Variants in TFEC observed in about 807,000 individuals in gnomAD.
TFEC encodes transcription factor EC.
TFEC carries 31 observed loss-of-function variants against 41.6 expected under a neutral mutation model. The ratio of observed to expected loss-of-function variants is 0.74; its 90% CI spans 0.56 to 1.01. TFEC has a LOEUF of 1.01. TFEC is among the 50% of genes least tolerant of loss of function. TFEC has a pLI of 0.00. For missense variants in TFEC, 402 were observed against 404.1 expected (o/e 0.99, Z 0.04); for synonymous variants, 143 against 140.6 (o/e 1.02, Z -0.12).
At chr7:116,005,296 T>C (rs982701272) in intron 1 of TFEC, among the ~76,000 whole-genome samples, 11 of 152,278 alleles carry the variant, frequency 7.2e-5, no homozygotes, top group South Asian at 2.1e-4. Flanking sequence ...CAGGAAAATG[T>C]GGGAAAGTTT....
chr7:116,084,188 A>G (rs1413785154), intron 3 of TFEC, among the ~76,000 whole-genome samples: 2 of 151,840 alleles, frequency 1.3e-5, no homozygotes, highest in African/African-American at 4.8e-5. Context: ...AATTAACCCA[A>G]TTCTTGGCAT....
intron 1 of TFEC, among the ~76,000 whole-genome samples, chr7:116,155,622 G>C (rs1322659213): frequency 2.0e-5 from 3 of 152,170 alleles, no homozygotes; most frequent in Non-Finnish European, 2.9e-5. Context: ...ATGTCCAGCT[G>C]TGAATGCTCT....
chr7:115,985,073 G>C (rs2130679235), intron 1 of TFEC, among the ~76,000 whole-genome samples: 1 of 149,984 alleles, frequency 6.7e-6, no homozygotes, highest in Middle Eastern at 3.4e-3. Flanking sequence ...TTTCTATCCT[G>C]AGCCCAGTTT....
intron 3 of TFEC, among the ~76,000 whole-genome samples, chr7:116,039,837 A>T (rs1470244224): frequency 6.6e-6 from 1 of 152,098 alleles, no homozygotes; most frequent in East Asian, 1.9e-4. Flanking sequence ...AAGTCCTTCA[A>T]TACAAAAGAA....
intron 1 of TFEC, among the ~76,000 whole-genome samples, chr7:116,130,503 G>A (rs1380535628): frequency 1.3e-5 from 2 of 152,234 alleles, no homozygotes. Context: ...CAAGTGGTCA[G>A]AATCTCGAGT....
intron 3 of TFEC, among the ~76,000 whole-genome samples, chr7:115,970,820 T>C (rs986638351): frequency 1.3e-5 from 2 of 151,900 alleles, no homozygotes; most frequent in African/African-American, 4.8e-5. Flanking sequence ...CTGCCATGAC[T>C]AAAAGCTTCC....
At chr7:116,074,396 T>A (rs1050122343) in intron 3 of TFEC, among the ~76,000 whole-genome samples, 1 of 152,022 alleles carries the variant, frequency 6.6e-6, no homozygotes, top group African/African-American at 2.4e-5. Context: ...TATGAAGAAC[T>A]CTTACAACTT....
chr7:115,988,944 G>A (rs1461914144), intron 1 of TFEC, among the ~76,000 whole-genome samples: 1 of 152,110 alleles, frequency 6.6e-6, no homozygotes. Flanking sequence ...AAGAAGAGAG[G>A]AATTAAATAC....
chr7:116,004,640 A>AT (rs1562927786), intron 1 of TFEC, among the ~76,000 whole-genome samples: 1 of 152,240 alleles, frequency 6.6e-6, no homozygotes, highest in African/African-American at 2.4e-5. Flanking sequence ...ATATTAAAAT[A>AT]ATGCTTAGAT....
chr7:116,054,329 T>C (rs538465473), intron 3 of TFEC, among the ~76,000 whole-genome samples: 2 of 152,118 alleles, frequency 1.3e-5, no homozygotes, highest in African/African-American at 4.8e-5. Flanking sequence ...TTAAAGATTA[T>C]AAAGGAAGTG....
intron 1 of TFEC, among the ~76,000 whole-genome samples, chr7:116,008,652 G>C (rs964784070): frequency 1.3e-5 from 2 of 152,174 alleles, no homozygotes; most frequent in Admixed American, 1.3e-4. Context: ...CTGCAGTAAA[G>C]ATTAATAACT....
At chr7:116,033,943 G>C (rs1209611421), upstream of TFEC, among the ~76,000 whole-genome samples, 1 of 152,012 alleles carries the variant, frequency 6.6e-6, no homozygotes, top group African/African-American at 2.4e-5. Flanking sequence ...TTCCAGTAAG[G>C]CTTTGTGCTC....
At chr7:116,123,061 T>C (rs955508695) in intron 1 of TFEC, among the ~76,000 whole-genome samples, 6 of 152,238 alleles carry the variant, frequency 3.9e-5, no homozygotes, top group African/African-American at 9.6e-5. Context: ...AAAACATTAA[T>C]GAACATATAT....
intron 1 of TFEC, among the ~76,000 whole-genome samples, chr7:116,004,782 T>C (rs1794724639): frequency 6.6e-6 from 1 of 151,426 alleles, no homozygotes; most frequent in South Asian, 2.1e-4. Context: ...AGCCATCTCC[T>C]GGTTGGAAAA....
At chr7:116,144,525 T>C (rs1013411996) in intron 1 of TFEC, among the ~76,000 whole-genome samples, 2 of 152,032 alleles carry the variant, frequency 1.3e-5, no homozygotes. Context: ...CATTTATTAT[T>C]TTTTTTAGAA....
intron 6 of TFEC, among the ~76,000 whole-genome samples, chr7:115,944,002 G>C (rs1346194961): frequency 7.8e-5 from 3 of 38,232 alleles, no homozygotes; most frequent in Non-Finnish European, 2.5e-4. Context: ...ATAATACTAT[G>C]ACAGGTCTGA....
chr7:116,139,938 C>T (rs1292599487), intron 1 of TFEC, among the ~76,000 whole-genome samples: 1 of 152,164 alleles, frequency 6.6e-6, no homozygotes, highest in African/African-American at 2.4e-5. Context: ...CCCCATGAGG[C>T]TGGATTGCAG....
At chr7:116,097,741 C>T (rs557847461) in intron 3 of TFEC, among the ~76,000 whole-genome samples, 2 of 152,082 alleles carry the variant, frequency 1.3e-5, no homozygotes, top group African/African-American at 4.8e-5. Flanking sequence ...CCATGGATAA[C>T]CGAAAACAGC....
intron 1 of TFEC, among the ~76,000 whole-genome samples, chr7:116,021,564 G>C (rs1181324383): frequency 6.6e-6 from 1 of 152,108 alleles, no homozygotes; most frequent in African/African-American, 2.4e-5. Flanking sequence ...TTCTCTCACT[G>C]GTCCCAAGAA....
Sources: gnomAD v4.1 joint callset for allele counts (sites outside exome capture counted in the v4.1 genomes callset) on GRCh38, gnomAD v4.1.1 for gene constraint, MANE v1.5 for transcripts, NCBI Gene and HGNC (gene_info 2026-07-23, HGNC 2026-07-21) for gene names.